The following ABCB5 variants were observed in gnomAD, a reference collection of about 807,000 sequenced individuals.
ABCB5 encodes the protein ATP binding cassette subfamily B member 5, also known as ATP-binding cassette sub-family B member 5.
Under a neutral mutation model 144.2 loss-of-function variants are expected in ABCB5, and 155 were observed. The ratio of observed to expected loss-of-function variants is 1.08; its 90% CI spans 0.94 to 1.23. The LOEUF (loss-of-function observed/expected upper bound fraction) is 1.23, where lower values mean the gene tolerates loss of function less well. Among genes scored for constraint, ABCB5 ranks in the 50% most tolerant of loss-of-function variants. ABCB5 has a pLI of 0.00. For missense variants in ABCB5, 1,830 were observed against 1,520.8 expected (o/e 1.20, Z -3.38); for synonymous variants, 610 against 528.6 (o/e 1.15, Z -2.11).
At chr7:20,749,189 T>G (rs1157588930) in intron 26 of ABCB5, among the ~76,000 whole-genome samples, 1 of 134,450 alleles carries the variant, frequency 7.4e-6, no homozygotes, top group East Asian at 2.5e-4. Context: ...ACTTCCTTCC[T>G]TCCTCCCTTC....
At chr7:20,684,312 T>C (rs1209400389) in intron 15 of ABCB5, among the ~76,000 whole-genome samples, 1 of 152,206 alleles carries the variant, frequency 6.6e-6, no homozygotes, top group African/African-American at 2.4e-5. Flanking sequence ...AAACTTACTG[T>C]CATCATTATT....
intron 13 of ABCB5, among the ~76,000 whole-genome samples, chr7:20,656,734 A>C (rs901408289): frequency 1.3e-5 from 2 of 152,184 alleles, no homozygotes; most frequent in Non-Finnish European, 2.9e-5. Context: ...CTTATGACTC[A>C]GCATTCTATT....
intron 1 of ABCB5, among the ~76,000 whole-genome samples, chr7:20,618,588 CA>C (rs1245524019): frequency 6.6e-6 from 1 of 151,954 alleles, no homozygotes; most frequent in African/African-American, 2.4e-5. Context: ...TGATAGTCTC[CA>C]GTGGCTATTT....
intron 14 of ABCB5, among the ~76,000 whole-genome samples, chr7:20,670,579 A>G (rs1009772484): frequency 6.6e-6 from 1 of 152,216 alleles, no homozygotes; most frequent in Non-Finnish European, 1.5e-5. Flanking sequence ...GAGGCTTAGA[A>G]TTACCACACC....
chr7:20,727,912 C>T (rs1047728939), intron 22 of ABCB5, among the ~76,000 whole-genome samples: 2 of 152,150 alleles, frequency 1.3e-5, no homozygotes, highest in Admixed American at 6.5e-5. Flanking sequence ...TGGACTCATA[C>T]TTGTAGTTGG....
chr7:20,662,873 T>C (rs866337930), intron 14 of ABCB5, among the ~76,000 whole-genome samples: 4 of 152,058 alleles, frequency 2.6e-5, no homozygotes, highest in Admixed American at 6.5e-5. Context: ...AATTCACTTA[T>C]ACAAAAAGAC....
At chr7:20,630,017 G>C (rs1488543197) in intron 4 of ABCB5, among the ~76,000 whole-genome samples, 3 of 152,030 alleles carry the variant, frequency 2.0e-5, no homozygotes, top group Non-Finnish European at 2.9e-5. Flanking sequence ...CTTATCTGTA[G>C]GCATCTTTCG....
intron 3 of ABCB5, among the ~76,000 whole-genome samples, chr7:20,627,359 A>G (rs907075074): frequency 2.0e-5 from 3 of 152,340 alleles, no homozygotes; most frequent in Admixed American, 6.5e-5. Context: ...GCTGAATGCA[A>G]TGCTGTGGAA....
chr7:20,675,463 C>T (rs1372873543), intron 14 of ABCB5, among the ~76,000 whole-genome samples: 1 of 151,908 alleles, frequency 6.6e-6, no homozygotes, highest in East Asian at 1.9e-4. Context: ...GAAAACTGGA[C>T]TTTTATCTGC....
chr7:20,665,143 G>A (rs1785131914), intron 14 of ABCB5, among the ~76,000 whole-genome samples: 1 of 152,138 alleles, frequency 6.6e-6, no homozygotes, highest in African/African-American at 2.4e-5. Context: ...CATTTTAGCA[G>A]AGTTTACATT....
intron 5 of ABCB5, among the ~76,000 whole-genome samples, chr7:20,632,844 C>T (rs1225023842): frequency 7.2e-6 from 1 of 138,200 alleles, no homozygotes. Context: ...GGGAACATCA[C>T]ACTCTGGGGA....
At chr7:20,728,192 C>T (rs4721940) in intron 22 of ABCB5, 123 bp from the exon 23 acceptor site, 415,602 of 1,181,336 alleles carry the variant, frequency 0.35, 75,948 homozygotes, top group Middle Eastern at 0.41. Context: ...TTTCATCATT[C>T]GAAAAATGCC....
rs1461426796 is a variant in ABCB5 at position 20,755,821 on chromosome 7, G to A, written c.*197G>A. ...GGAAGCAAAAATTTGCTTATTTCAT[G>A]TAAGTGAAATAATGCTTATATCCTT... is the stretch of plus-strand genomic sequence containing the variant. On this transcript the variant is annotated 3_prime_UTR_variant, in exon 28 of 28. Transcript: ENST00000404938. 1 of 566,840 alleles carries A rather than the reference G, an allele frequency of 1.8e-6. No individual in the cohort carries two copies. The highest frequency in any genetic ancestry group is 3.1e-6 in the Non-Finnish European group (1 of 323,076). 35.1% of individuals were successfully genotyped at this position (566,840 alleles called of 1,614,324 possible).
chr7:20,704,665 A>C, intron 19 of ABCB5, 59 bp from the exon 20 acceptor site: 4 of 1,402,734 alleles, frequency 2.9e-6, no homozygotes, highest in Non-Finnish European at 4.0e-6. Flanking sequence ...CAGAAAAATC[A>C]CAAGTCAGAT....
At chr7:20,720,453 G>C (rs944180903) in intron 20 of ABCB5, among the ~76,000 whole-genome samples, 2 of 152,190 alleles carry the variant, frequency 1.3e-5, no homozygotes, top group African/African-American at 4.8e-5. Flanking sequence ...ATTATTACAA[G>C]TGAACAATGC....
At chr7:20,743,199 A>T in intron 25 of ABCB5, 125 bp downstream of exon 25, 1 of 1,012,114 alleles carries the variant, frequency 9.9e-7, no homozygotes, top group South Asian at 1.6e-5. Context: ...AAAGAAAAAA[A>T]ATCTCTGTGT....
chr7:20,679,119 A>G (rs1350963629), intron 14 of ABCB5, among the ~76,000 whole-genome samples: 1 of 152,188 alleles, frequency 6.6e-6, no homozygotes, highest in Non-Finnish European at 1.5e-5. Flanking sequence ...AAAAATTGAT[A>G]AATTGGACTT....
In ABCB5 at chr7:20,728,209, C is replaced by A. The variant is rs78585158; in HGVS notation, c.2727-106C>A. ...TCATCATTCGAAAAATGCCTTTCCA[C>A]CAAATTATAACATTTCAAAGTCCTC... On this transcript the variant is annotated intron_variant, in intron 22 of 27. Coordinates refer to ENST00000404938, the MANE Select transcript of ABCB5 (RefSeq NM_001163941.2). 3.1e-3 allele frequency: 4,123 copies of A among 1,348,788 alleles called. 110 individuals carry two copies. In the African/African-American group the frequency reaches 0.054, roughly 18 times the overall value. 83.6% of individuals were successfully genotyped at this position (1,348,788 alleles called of 1,614,324 possible). A position where few individuals can be genotyped will look rare whatever the true frequency, so the allele number is the denominator to read the frequency against.
In ABCB5 at chr7:20,643,299, T is replaced by C; in HGVS notation, c.430T>C (p.Phe144Leu). 13 of 1,614,016 alleles carry C rather than the reference T, an allele frequency of 8.1e-6. No homozygotes were observed. The highest frequency in any genetic ancestry group is 1.1e-5 in the Non-Finnish European group (13 of 1,179,898). The stretch of plus-strand genomic sequence containing the variant: ...GACCAAGAGGATTCGAAAACAGTTT[T>C]TTCATTCAGTTTTGGCACAGGACAT... ...RQTKRIRKQF[F>L]HSVLAQDIGW... Residue 144 changes from phenylalanine (F) to leucine (L), a missense_variant, in exon 6 of 28, where the codon TTT becomes CTT. Phe to Leu is a conservative substitution (Grantham distance 22). Coordinates refer to ENST00000404938, the MANE Select transcript of ABCB5 (RefSeq NM_001163941.2).
Sources: gnomAD v4.1 joint callset for allele counts (sites outside exome capture counted in the v4.1 genomes callset) on GRCh38, gnomAD v4.1.1 for gene constraint, MANE v1.5 for transcripts, NCBI Gene and HGNC (gene_info 2026-07-23, HGNC 2026-07-21) for gene names.